Variants in DIP2C observed in about 807,000 individuals in gnomAD.
The protein encoded by DIP2C is DIP2 acetate--CoA ligase C (putative).
DIP2C carries 33 observed loss-of-function variants against 192.4 expected under a neutral mutation model. The observed-to-expected ratio is 0.17, with a 90% CI of 0.13 to 0.23. The LOEUF is 0.23. Among genes scored for constraint, DIP2C ranks in the 10% least tolerant of loss-of-function variants. The pLI is 1.00. For missense variants in DIP2C, 1,537 were observed against 2,110.1 expected (o/e 0.73, Z 5.32); for synonymous variants, 979 against 864.1 (o/e 1.13, Z -2.33).
intron 32 of DIP2C, among the ~76,000 whole-genome samples, chr10:291,626 T>C (rs898967826): frequency 1.3e-5 from 2 of 152,230 alleles, no homozygotes; most frequent in African/African-American, 4.8e-5. Context: ...TCAAAAGTAG[T>C]GTTCTCCACA....
rs1031468852 is a variant in DIP2C at position 416,020 on chromosome 10, G to A, written c.740-132C>T. The stretch of plus-strand genomic sequence containing the variant: ...TGCATCCTAGATGCGATCCTGGGAA[G>A]GGCCCGAGGTGATCATGCTGTACGG... On this transcript the variant is annotated intron_variant, in intron 6 of 36. Coordinates refer to ENST00000280886, the MANE Select transcript of DIP2C (RefSeq NM_014974.3). The A allele has an allele frequency of 2.9e-6, 4 of 1,376,338 alleles. No homozygotes were observed. In the South Asian group the frequency reaches 5.4e-5, roughly 19 times the overall value. The allele number at this position is 1,376,338 out of a possible 1,614,324, so 85.3% of individuals were successfully genotyped here. A position where few individuals can be genotyped will look rare whatever the true frequency, so the allele number is the denominator to read the frequency against.
intron 1 of DIP2C, among the ~76,000 whole-genome samples, chr10:592,141 T>G (rs1851440446): frequency 6.6e-6 from 1 of 152,212 alleles, no homozygotes; most frequent in African/African-American, 2.4e-5. Context: ...TCTGTATAAT[T>G]GATATTTCTG....
At chr10:668,573 C>T (rs532438879) in intron 1 of DIP2C, 2 of 152,128 alleles carry the variant, frequency 1.3e-5, no homozygotes, top group Non-Finnish European at 2.9e-5. Context: ...AACACTCAAA[C>T]ATACAATGAA....
intron 8 of DIP2C, among the ~76,000 whole-genome samples, chr10:411,265 C>T (rs137967678): frequency 9.8e-5 from 15 of 152,308 alleles, no homozygotes; most frequent in African/African-American, 3.4e-4. Context: ...ATAGGTCTCT[C>T]CAGAAATCCA....
intron 22 of DIP2C, 54 bp downstream of exon 22, chr10:362,436 T>TG: frequency 1.9e-6 from 3 of 1,584,168 alleles, no homozygotes; most frequent in South Asian, 1.1e-5. Context: ...CCCAGTGCCG[T>TG]GCAGCCCCAA....
chr10:633,625 A>G lies in DIP2C; in HGVS notation c.85+55869T>C, dbSNP rs943370288. 5.3e-5 allele frequency among the ~76,000 whole-genome samples: 8 copies of G among 152,324 alleles called. 1 individual carries two copies. The highest frequency in any genetic ancestry group is 9.6e-5 in the African/African-American group (4 of 41,580). On this transcript the variant is annotated intron_variant, in intron 1 of 36. Coordinates refer to ENST00000280886, the MANE Select transcript of DIP2C (RefSeq NM_014974.3). The stretch of plus-strand genomic sequence containing the variant: ...CCAGGAACAAACCACCCACAGATGG[A>G]CTGCTCTCCATGCAAGGTGCAAAGA...
At chr10:344,541 G>A (rs1280735166) in intron 28 of DIP2C, among the ~76,000 whole-genome samples, 3 of 152,224 alleles carry the variant, frequency 2.0e-5, no homozygotes, top group Admixed American at 6.5e-5. Context: ...TTGAGAACCA[G>A]CAAGAGAAAA....
At position 651,961 on chromosome 10, in the gene DIP2C, C is replaced by T. The variant is rs1016999976; in HGVS notation, c.85+37533G>A. 4.7e-5 allele frequency: 8 copies of T among 169,384 alleles called. No individual in the cohort carries two copies. The highest frequency in any genetic ancestry group is 5.1e-5 in the Non-Finnish European group (4 of 78,912). 10.5% of individuals were successfully genotyped at this position (169,384 alleles called of 1,614,324 possible). A position where few individuals can be genotyped will look rare whatever the true frequency, so the allele number is the denominator to read the frequency against. On this transcript the variant is annotated intron_variant, in intron 1 of 36. Transcript: ENST00000280886. This position sits in a 1 kb window ranked among gnomAD's most constrained non-coding sequence, Gnocchi z 4.1. ...ACTCACGCCCCACAAGTGGACCTGC[C>T]GAACCTGCGTGTACAGAGTCGGCCC...
intron 31 of DIP2C, chr10:324,724 C>T (rs1382639994): frequency 1.3e-5 from 4 of 299,766 alleles, no homozygotes; most frequent in Non-Finnish European, 2.7e-5. Context: ...ATTAAGAATA[C>T]AGAACCGTGC....
intron 1 of DIP2C, among the ~76,000 whole-genome samples, chr10:517,847 G>A (rs987742072): frequency 1.3e-5 from 2 of 150,802 alleles, no homozygotes; most frequent in East Asian, 3.9e-4. Context: ...TTAACAAGAG[G>A]GTCCTGTAAC....
chr10:367,215 A>G (rs960832594), intron 18 of DIP2C, among the ~76,000 whole-genome samples: 2 of 152,192 alleles, frequency 1.3e-5, no homozygotes, highest in Non-Finnish European at 2.9e-5. Context: ...CAGGAGATCG[A>G]GACCATCCTG....
At chr10:423,314 T>G (rs1410503019) in intron 4 of DIP2C, among the ~76,000 whole-genome samples, 1 of 152,190 alleles carries the variant, frequency 6.6e-6, no homozygotes, top group Non-Finnish European at 1.5e-5. Context: ...ACACAGCAGT[T>G]TGGGAAGAAA....
chr10:595,541 G>T (rs531311509), intron 1 of DIP2C, among the ~76,000 whole-genome samples: 3 of 152,162 alleles, frequency 2.0e-5, no homozygotes, highest in East Asian at 3.9e-4. Context: ...CCCACCAAGA[G>T]AACTGAAAGA....
intron 23 of DIP2C, among the ~76,000 whole-genome samples, chr10:357,480 G>A (rs75419390): frequency 0.023 from 3,576 of 152,314 alleles, 113 homozygotes; most frequent in African/African-American, 0.077. Flanking sequence ...TCGGTCCTGC[G>A]AGTCGTGGGA....
intron 1 of DIP2C, among the ~76,000 whole-genome samples, chr10:600,690 G>A (rs1852011498): frequency 6.6e-6 from 1 of 152,200 alleles, no homozygotes; most frequent in African/African-American, 2.4e-5. Flanking sequence ...ATTCCTGGGT[G>A]CCCCAGAGCG....
chr10:562,501 G>GAA (rs773612676), intron 1 of DIP2C, among the ~76,000 whole-genome samples: 6 of 152,152 alleles, frequency 3.9e-5, no homozygotes, highest in Non-Finnish European at 8.8e-5. Context: ...GAATCTCTAC[G>GAA]AAATAGACGA....
At chr10:564,014 G>T (rs549005295) in intron 1 of DIP2C, among the ~76,000 whole-genome samples, 9 of 152,298 alleles carry the variant, frequency 5.9e-5, no homozygotes, top group African/African-American at 1.9e-4. Flanking sequence ...TTTGAGAGAA[G>T]ATTTCAAAGC....
chr10:489,305 T>C (rs1434892158), intron 1 of DIP2C, among the ~76,000 whole-genome samples: 1 of 152,238 alleles, frequency 6.6e-6, no homozygotes, highest in Non-Finnish European at 1.5e-5. Context: ...CACTTTTACA[T>C]GCCGTCCTTT....
At chr10:478,641 C>A (rs1843358120) in intron 2 of DIP2C, among the ~76,000 whole-genome samples, 4 of 150,718 alleles carry the variant, frequency 2.7e-5, no homozygotes, top group Admixed American at 1.3e-4. Flanking sequence ...ATTCTCAACT[C>A]ATCCCGTGTC....
Sources: gnomAD v4.1 joint callset for allele counts (sites outside exome capture counted in the v4.1 genomes callset) on GRCh38, gnomAD v4.1.1 for gene constraint, Gnocchi (gnomAD v3.1) non-coding constraint, MANE v1.5 for transcripts, NCBI Gene and HGNC (gene_info 2026-07-23, HGNC 2026-07-21) for gene names.